The following SNX31 variants were observed in gnomAD, a reference collection of about 807,000 sequenced individuals.
SNX31 encodes sorting nexin-31.
Under a neutral mutation model 65.4 loss-of-function variants are expected in SNX31, and 58 were observed. That is an observed-to-expected ratio of 0.89 (90% CI 0.72 to 1.10). The LOEUF is 1.10. Among genes scored for constraint, SNX31 ranks in the 50% least tolerant of loss-of-function variants. SNX31 has a pLI of 0.00. For missense variants in SNX31, 523 were observed against 529.7 expected (o/e 0.99, Z 0.12); for synonymous variants, 181 against 190.1 (o/e 0.95, Z 0.39).
At chr8:100,580,569 A>G (rs1813406246) in intron 12 of SNX31, among the ~76,000 whole-genome samples, 3 of 152,234 alleles carry the variant, frequency 2.0e-5, no homozygotes, top group Admixed American at 2.0e-4. Flanking sequence ...TTCTCCTTAA[A>G]GAAAAGAAGT....
At chr8:100,586,258 T>C (rs919850247) in intron 11 of SNX31, among the ~76,000 whole-genome samples, 1 of 152,258 alleles carries the variant, frequency 6.6e-6, no homozygotes, top group Non-Finnish European at 1.5e-5. Context: ...TCAAAAAGAT[T>C]TGGGCCCAAG....
At chr8:100,634,179 T>G (rs1818592924) in intron 3 of SNX31, among the ~76,000 whole-genome samples, 1 of 152,204 alleles carries the variant, frequency 6.6e-6, no homozygotes, top group Non-Finnish European at 1.5e-5. Context: ...ACAGTTTTGC[T>G]GTACACAGCA....
rs767574017 is a variant in SNX31, at chr8:100,649,294, G to T, written c.121C>A (p.Leu41Met). The T allele has an allele frequency of 6.2e-7, 1 of 1,614,082 alleles. No individual in the cohort carries two copies. Among genetic ancestry groups the T allele is most frequent in the South Asian group, 1.1e-5 (1 of 91,082 alleles). ...CTCACCTGTTCGTTCCAACCGTGCA[G>T]CTGGCTGTAGCGCACCCTGCAGAAG... ...FLFCRVRYSQ[L>M]HGWNEQLRRV... The change falls in exon 2 of 14, where the codon CTG becomes ATG. Residue 41 changes from leucine (L) to methionine (M), a missense_variant. Physicochemically the swap from Leu to Met is conservative, Grantham distance 15. Transcript: ENST00000311812.
Position 100,588,719 on chromosome 8 carries a change from T to C in SNX31, c.1092+147A>G. 2.2e-6 allele frequency: 1 copy of C among 448,160 alleles called. No homozygotes were observed. The highest frequency in any genetic ancestry group is 4.0e-6 in the Non-Finnish European group (1 of 251,618). The allele number at this position is 448,160 out of a possible 1,614,324, so 27.8% of individuals were successfully genotyped here. A position where few individuals can be genotyped will look rare whatever the true frequency, so the allele number is the denominator to read the frequency against. On this transcript the variant is annotated intron_variant, in intron 11 of 13. Coordinates refer to ENST00000311812, the MANE Select transcript of SNX31 (RefSeq NM_152628.4). The surrounding 1 kb of genome is among the most constrained non-coding windows in gnomAD (Gnocchi z 4.8). ...AAATATAACAAAACATAAAACAAAATAAAAGGTATTACGGTCCCGAACGAG... is the reference window on the plus strand; with the variant it reads ...AAATATAACAAAACATAAAACAAAACAAAAGGTATTACGGTCCCGAACGAG...
At chr8:100,635,523 G>A (rs1264877570) in intron 3 of SNX31, among the ~76,000 whole-genome samples, 1 of 148,810 alleles carries the variant, frequency 6.7e-6, no homozygotes, top group Non-Finnish European at 1.5e-5. Flanking sequence ...TTACAGGTGT[G>A]AGCCACCATG....
Position 100,588,010 on chromosome 8 carries a change from CAGT to C in SNX31, c.1092+853_1092+855del, listed in dbSNP as rs2130844495. Among the ~76,000 whole-genome samples, 2 of 152,112 alleles carry C rather than the reference CAGT, an allele frequency of 1.3e-5. No homozygotes were observed. The highest frequency in any genetic ancestry group is 4.8e-5 in the African/African-American group (2 of 41,490). On this transcript the variant is annotated intron_variant, in intron 11 of 13. Coordinates refer to ENST00000311812, the MANE Select transcript of SNX31 (RefSeq NM_152628.4). The surrounding 1 kb of genome is among the most constrained non-coding windows in gnomAD (Gnocchi z 4.8). ...CCCACTCTTAGGCTATAAACCTGTA[CAGT>C]ATGCTACTATACTGAATAAATTCTG...
chr8:100,647,196 T>G (rs2131293470), intron 2 of SNX31, among the ~76,000 whole-genome samples: 1 of 152,316 alleles, frequency 6.6e-6, no homozygotes, highest in South Asian at 2.1e-4. Context: ...TCATATGCGA[T>G]ATATGGAAGT....
At chr8:100,592,711 T>C (rs1814696769) in intron 10 of SNX31, among the ~76,000 whole-genome samples, 1 of 152,184 alleles carries the variant, frequency 6.6e-6, no homozygotes, top group African/African-American at 2.4e-5. Flanking sequence ...AGCCAAAATA[T>C]AGAAGCAACC....
intron 13 of SNX31, among the ~76,000 whole-genome samples, chr8:100,574,990 G>A (rs953171409): frequency 3.3e-5 from 5 of 152,096 alleles, no homozygotes; most frequent in East Asian, 1.9e-4. Flanking sequence ...TAGGGTTACC[G>A]CAAATCTTTA....
intron 4 of SNX31, chr8:100,620,045 A>C (rs1423996222): frequency 3.3e-5 from 5 of 152,194 alleles, no homozygotes; most frequent in Admixed American, 3.3e-4. Context: ...ATCATGTTTA[A>C]AATAATTTCA....
chr8:100,592,353 C>G (rs1814663908), intron 10 of SNX31, among the ~76,000 whole-genome samples: 1 of 152,024 alleles, frequency 6.6e-6, no homozygotes, highest in South Asian at 2.1e-4. Context: ...AATCTTAAAG[C>G]TATAGCAATA....
upstream of SNX31, among the ~76,000 whole-genome samples, chr8:100,651,451 T>A (rs1449601357): frequency 6.6e-6 from 1 of 151,198 alleles, no homozygotes; most frequent in African/African-American, 2.4e-5. Context: ...TGGACCCTGG[T>A]TTCACCCCAT....
intron 1 of SNX31, among the ~76,000 whole-genome samples, chr8:100,655,940 T>G (rs897604146): frequency 6.6e-6 from 1 of 152,158 alleles, no homozygotes; most frequent in Non-Finnish European, 1.5e-5. Context: ...GCAAGGAAGT[T>G]TTTTGAGAGA....
In SNX31 at chr8:100,596,780, A is replaced by G. The variant is rs769051147; in HGVS notation, c.837T>C (p.Cys279=). The G allele has an allele frequency of 1.4e-5, 22 of 1,613,990 alleles. No individual in the cohort carries two copies. The African/African-American group carries it at 2.8e-4, about 21-fold the overall frequency. Residue 279 remains cysteine, a synonymous_variant, in exon 10 of 14, where the codon TGT becomes TGC. Coordinates refer to ENST00000311812, the MANE Select transcript of SNX31 (RefSeq NM_152628.4). ...YGYLQLDPCT[C]DYPESGSGAV... is the part of the protein sequence containing the mutation. ...CTCCAGAGCCTGATTCTGGGTAGTC[A>G]CAGGTACAAGGATCCAGCTGCAGGT...
In SNX31 at chr8:100,596,856, G is replaced by A. The variant is rs1278756518; in HGVS notation, c.775-14C>T. On this transcript the variant is annotated splice_polypyrimidine_tract_variant and intron_variant, in intron 9 of 13. Transcript: ENST00000311812. ...CAGCTCCAAAAACTGCTCCAAAGAGGGTGATGTGGGGGGAGGGGAGGCAAG... is the reference window on the plus strand; with the variant it reads ...CAGCTCCAAAAACTGCTCCAAAGAGAGTGATGTGGGGGGAGGGGAGGCAAG... 6.2e-7 allele frequency: 1 copy of A among 1,612,368 alleles called. No homozygotes were observed. The highest frequency in any genetic ancestry group is 1.7e-5 in the Admixed American group (1 of 60,018).
upstream of SNX31, chr8:100,649,686 GC>G (rs1819901650): frequency 1.8e-6 from 1 of 542,298 alleles, no homozygotes. Flanking sequence ...CCGGGGCCGG[GC>G]CGCGCCGCCT....
In SNX31 at chr8:100,578,825, G is replaced by A. The variant is rs1417486897; in HGVS notation, c.1171-1750C>T. 1.3e-5 allele frequency among the ~76,000 whole-genome samples: 2 copies of A among 151,744 alleles called. No homozygotes were observed. The highest frequency in any genetic ancestry group is 4.8e-5 in the African/African-American group (2 of 41,264). On this transcript the variant is annotated intron_variant, in intron 12 of 13. Coordinates refer to ENST00000311812, the MANE Select transcript of SNX31 (RefSeq NM_152628.4). The surrounding 1 kb of genome is among the most constrained non-coding windows in gnomAD (Gnocchi z 4.7). ...CAACCTCCACCTCCTGGATTCAAGC[G>A]ATTCTCCAGCCTCAGTCTCCCAAGT... is the stretch of plus-strand genomic sequence containing the variant.
At chr8:100,637,776 A>G (rs1587051185) in intron 2 of SNX31, among the ~76,000 whole-genome samples, 1 of 151,922 alleles carries the variant, frequency 6.6e-6, no homozygotes, top group South Asian at 2.1e-4. Context: ...GCTCACTGCA[A>G]CCTCCACCTC....
chr8:100,581,038 G>T (rs1210414691), intron 12 of SNX31, among the ~76,000 whole-genome samples: 4 of 149,602 alleles, frequency 2.7e-5, no homozygotes, highest in African/African-American at 9.9e-5. Context: ...GCTCATGTCT[G>T]TTATCTCAGC....
Sources: allele counts gnomAD v4.1 joint callset (sites outside exome capture counted in the v4.1 genomes callset), GRCh38; gene constraint gnomAD v4.1.1; non-coding constraint Gnocchi (gnomAD v3.1); transcripts MANE v1.5; gene names NCBI Gene and HGNC (gene_info 2026-07-23, HGNC 2026-07-21).